KIF6: variants seen among roughly 807,000 people sequenced by gnomAD.
The protein encoded by KIF6 is kinesin family member 6.
Under a neutral mutation model 112.7 loss-of-function variants are expected in KIF6, and 106 were observed. That is an observed-to-expected ratio of 0.94 (90% confidence interval 0.80 to 1.11). The LOEUF is 1.11. Ranked by LOEUF, KIF6 falls within the 50% of genes least tolerant of loss-of-function variation. KIF6 has a pLI of 0.00. For missense variants in KIF6, 929 were observed against 964.0 expected (o/e 0.96, Z 0.48); for synonymous variants, 339 against 339.9 (o/e 1.00, Z 0.03).
At chr6:39,463,899 C>T (rs2051695193) in intron 13 of KIF6, among the ~76,000 whole-genome samples, 1 of 152,172 alleles carries the variant, frequency 6.6e-6, no homozygotes, top group Non-Finnish European at 1.5e-5. Flanking sequence ...TTTCTTCCTC[C>T]CACATCTCTG....
chr6:39,593,765 T>TCGCCTC (rs1782081778), intron 7 of KIF6, among the ~76,000 whole-genome samples: 1 of 152,194 alleles, frequency 6.6e-6, no homozygotes, highest in Non-Finnish European at 1.5e-5. Flanking sequence ...CTTGATTGGC[T>TCGCCTC]CGCCTCTATT....
rs192062540 is a variant in KIF6, at chr6:39,521,527, T to C, written c.1645+18476A>G. On this transcript the variant is annotated intron_variant, in intron 13 of 22. Coordinates refer to ENST00000287152, the MANE Select transcript of KIF6 (RefSeq NM_145027.6). The stretch of plus-strand genomic sequence containing the variant: ...TCCCTAGGAGAGCTGCTGCAGCTTC[T>C]GGAGCCACACTGGGTTGTCAAGAGA... Among the ~76,000 whole-genome samples, 298 of 152,268 alleles carry C rather than the reference T, an allele frequency of 2.0e-3. 3 individuals carry two copies. Among genetic ancestry groups the C allele is most frequent in the African/African-American group, 7.0e-3 (290 of 41,540 alleles).
chr6:39,481,832 T>A (rs1428927296), intron 13 of KIF6, among the ~76,000 whole-genome samples: 1 of 152,174 alleles, frequency 6.6e-6, no homozygotes, highest in Non-Finnish European at 1.5e-5. Flanking sequence ...CCCCTCTGAC[T>A]ATTCTGAAGT....
chr6:39,541,745 C>T (rs1778800970), intron 12 of KIF6, among the ~76,000 whole-genome samples: 1 of 152,180 alleles, frequency 6.6e-6, no homozygotes, highest in Non-Finnish European at 1.5e-5. Flanking sequence ...AGCTGCTATA[C>T]ATTGGGTGCT....
intron 13 of KIF6, among the ~76,000 whole-genome samples, chr6:39,447,794 G>A (rs1001145606): frequency 2.0e-5 from 3 of 152,000 alleles, no homozygotes; most frequent in Non-Finnish European, 4.4e-5. Flanking sequence ...TCCTGTTCTC[G>A]CCTTGCTGTA....
intron 3 of KIF6, among the ~76,000 whole-genome samples, chr6:39,679,331 T>TTA (rs1787364124): frequency 6.6e-6 from 1 of 152,182 alleles, no homozygotes; most frequent in Non-Finnish European, 1.5e-5. Flanking sequence ...AGGGATGCAT[T>TTA]AGGGCGGTAT....
chr6:39,414,581 A>G (rs940229916), intron 15 of KIF6, among the ~76,000 whole-genome samples: 1 of 152,168 alleles, frequency 6.6e-6, no homozygotes, highest in Non-Finnish European at 1.5e-5. Flanking sequence ...CACTGCCACA[A>G]CTGGGCCCCA....
chr6:39,336,801 T>TTTTCTTTCTTTC lies in KIF6; in HGVS notation c.2429-265_2429-254dup, dbSNP rs56693059. Among the ~76,000 whole-genome samples, 23 of 150,824 alleles carry TTTTCTTTCTTTC rather than the reference T, an allele frequency of 1.5e-4. No homozygotes were observed. In the East Asian group the frequency reaches 2.2e-3, roughly 14 times the overall value. On this transcript the variant is annotated intron_variant, in intron 22 of 22. Coordinates refer to ENST00000287152, the MANE Select transcript of KIF6 (RefSeq NM_145027.6). Reference sequence around the variant, plus strand: ...TTTCCTACCCCACCGTTTTCTTTCCTTTTCTTTCTTTCTTTTTTTTGATGG... The same window carrying TTTTCTTTCTTTC: ...TTTCCTACCCCACCGTTTTCTTTCCTTTTCTTTCTTTCTTTCTTTCTTTCTTTTTTTTGATGG...
At chr6:39,394,157 A>AG (rs1288757508) in intron 15 of KIF6, among the ~76,000 whole-genome samples, 1 of 152,148 alleles carries the variant, frequency 6.6e-6, no homozygotes, top group East Asian at 1.9e-4. Context: ...GTGGAGAGTG[A>AG]ATTGGGTAGG....
intron 13 of KIF6, among the ~76,000 whole-genome samples, chr6:39,481,268 G>C (rs1270607273): frequency 6.6e-6 from 1 of 152,154 alleles, no homozygotes; most frequent in East Asian, 1.9e-4. Context: ...AGAGTGTCAG[G>C]TGGTAATGGA....
intron 3 of KIF6, chr6:39,691,369 T>C (rs1162334925): frequency 6.6e-6 from 1 of 152,190 alleles, no homozygotes; most frequent in African/African-American, 2.4e-5. Context: ...ATTAAGAGCC[T>C]AAGGGCAAGT....
At chr6:39,596,369 A>T in intron 6 of KIF6, 109 bp from the exon 7 acceptor site, 1 of 777,900 alleles carries the variant, frequency 1.3e-6, no homozygotes, top group Non-Finnish European at 2.1e-6. Context: ...CATGAAGCCA[A>T]CTGTCAACTG....
At chr6:39,605,648 C>T (rs142498719) in intron 6 of KIF6, among the ~76,000 whole-genome samples, 181 of 152,114 alleles carry the variant, frequency 1.2e-3, no homozygotes, top group Non-Finnish European at 2.0e-3. Flanking sequence ...ATGCAATCTT[C>T]GAGTTTGGAC....
At chr6:39,485,142 A>T (rs1775040725) in intron 13 of KIF6, among the ~76,000 whole-genome samples, 1 of 152,252 alleles carries the variant, frequency 6.6e-6, no homozygotes, top group Non-Finnish European at 1.5e-5. Context: ...TAGTACTTCC[A>T]GAACTAGGAC....
chr6:39,414,076 G>A (rs1304506216), intron 15 of KIF6, among the ~76,000 whole-genome samples: 3 of 152,120 alleles, frequency 2.0e-5, no homozygotes, highest in Non-Finnish European at 4.4e-5. Flanking sequence ...TGGAAATGCT[G>A]GGTAGAGGGA....
chr6:39,630,408 T>C (rs1040751067), intron 5 of KIF6, among the ~76,000 whole-genome samples: 5 of 152,074 alleles, frequency 3.3e-5, no homozygotes, highest in Non-Finnish European at 7.4e-5. Context: ...ACATATCTTG[T>C]CAGATTTATA....
In KIF6 at chr6:39,540,012, T is replaced by G. The variant is rs200506835; in HGVS notation, c.1636A>C (p.Lys546Gln). Reference protein sequence around the residue: ...ILGKRSSLLHKKIGMREEMSL... With the variant: ...ILGKRSSLLHQKIGMREEMSL... ...AATTTAGTCAACTGACCTATTTTCT[T>G]GTGGAGCAAACTGGATCTTTTCCCC... is the stretch of plus-strand genomic sequence containing the variant. The change falls in exon 13 of 23, where the codon AAG (lysine) becomes CAG (glutamine). Residue 546 changes from lysine to glutamine, a missense_variant. Lys to Gln is a moderately conservative substitution (Grantham distance 53). Coordinates refer to ENST00000287152, the MANE Select transcript of KIF6 (RefSeq NM_145027.6). 1 of 1,599,088 alleles carries G rather than the reference T, an allele frequency of 6.3e-7. No individual in the cohort carries two copies. The highest frequency in any genetic ancestry group is 8.5e-7 in the Non-Finnish European group (1 of 1,174,554).
intron 3 of KIF6, among the ~76,000 whole-genome samples, chr6:39,696,691 C>T (rs1026890009): frequency 6.6e-6 from 1 of 151,720 alleles, no homozygotes; most frequent in Non-Finnish European, 1.5e-5. Context: ...ATAAACTAGG[C>T]TCCTACTAGG....
chr6:39,576,880 G>A (rs910696054), intron 10 of KIF6, among the ~76,000 whole-genome samples: 2 of 152,138 alleles, frequency 1.3e-5, no homozygotes, highest in African/African-American at 4.8e-5. Flanking sequence ...CTGTTTTCTT[G>A]GCTGGATCCT....
Sources: allele counts gnomAD v4.1 joint callset (sites outside exome capture counted in the v4.1 genomes callset), GRCh38; gene constraint gnomAD v4.1.1; transcripts MANE v1.5; gene names NCBI Gene and HGNC (gene_info 2026-07-23, HGNC 2026-07-21).